Variants in GALNT13 observed in about 807,000 individuals in gnomAD.
GALNT13 encodes UDP-GalNAc:polypeptide N-acetylgalactosaminyltransferase 13.
A neutral mutation model predicts 64.2 loss-of-function variants in GALNT13; 28 were observed. The ratio of observed to expected loss-of-function variants is 0.44; its 90% confidence interval spans 0.32 to 0.60. The LOEUF (loss-of-function observed/expected upper bound fraction) is 0.60, where lower values mean the gene tolerates loss of function less well. GALNT13 is among the 20% of genes least tolerant of loss of function. The pLI is 0.05. For missense variants in GALNT13, 577 were observed against 669.8 expected (o/e 0.86, Z 1.53); for synonymous variants, 214 against 224.6 (o/e 0.95, Z 0.42).
chr2:153,455,988 C>G, the GALNT13 span, among the ~76,000 whole-genome samples: 1 of 152,144 alleles, frequency 6.6e-6, no homozygotes, highest in Non-Finnish European at 1.5e-5. Flanking sequence ...AAGTCCGGCC[C>G]TCTCCAGCCA....
intron 9 of GALNT13, among the ~76,000 whole-genome samples, chr2:154,364,963 C>T (rs1473854748): frequency 2.6e-5 from 4 of 152,300 alleles, no homozygotes; most frequent in Middle Eastern, 6.8e-3. Context: ...TAAGCCACTT[C>T]ACCAAAGAGT....
chr2:154,384,290 G>A (rs916125679), intron 9 of GALNT13, among the ~76,000 whole-genome samples: 16 of 151,928 alleles, frequency 1.1e-4, no homozygotes, highest in South Asian at 1.0e-3. Context: ...TCTGGAAAGC[G>A]GAAAATGAAT....
intron 7 of GALNT13, among the ~76,000 whole-genome samples, chr2:154,256,552 G>A (rs1486827412): frequency 6.6e-6 from 1 of 152,152 alleles, no homozygotes; most frequent in African/African-American, 2.4e-5. Context: ...AAATGGTTTT[G>A]AAACCTAAAG....
chr2:153,202,919 CAATT>C, the GALNT13 span, among the ~76,000 whole-genome samples: 24 of 152,078 alleles, frequency 1.6e-4, no homozygotes, highest in African/African-American at 2.4e-4. Context: ...TTTTATCTCA[CAATT>C]GATTGATTTT....
chr2:153,789,829 T>A, the GALNT13 span, among the ~76,000 whole-genome samples: 3 of 152,078 alleles, frequency 2.0e-5, no homozygotes, highest in Non-Finnish European at 4.4e-5. Context: ...CTAGAAAACC[T>A]AGAAGACATG....
At chr2:154,184,103 A>G (rs139145494) in intron 4 of GALNT13, among the ~76,000 whole-genome samples, 1 of 151,842 alleles carries the variant, frequency 6.6e-6, no homozygotes, top group East Asian at 1.9e-4. Flanking sequence ...TTGAACTTAT[A>G]AATTTATAAT....
chr2:153,738,152 A>G, the GALNT13 span, among the ~76,000 whole-genome samples: 1 of 151,430 alleles, frequency 6.6e-6, no homozygotes, highest in Non-Finnish European at 1.5e-5. Flanking sequence ...ATCATATTAA[A>G]CTCCTTGCTT....
At chr2:153,385,069 C>G in the GALNT13 span, among the ~76,000 whole-genome samples, 1 of 151,888 alleles carries the variant, frequency 6.6e-6, no homozygotes, top group Non-Finnish European at 1.5e-5. Context: ...AAAAGGAACC[C>G]TCATACACTG....
At chr2:153,912,398 T>G (rs1036373254) in intron 2 of GALNT13, among the ~76,000 whole-genome samples, 1 of 152,224 alleles carries the variant, frequency 6.6e-6, no homozygotes, top group Non-Finnish European at 1.5e-5. Context: ...CTGAATTCTA[T>G]TTCTGTCATT....
the GALNT13 span, among the ~76,000 whole-genome samples, chr2:153,832,666 G>A: frequency 6.6e-6 from 1 of 152,118 alleles, no homozygotes; most frequent in East Asian, 1.9e-4. Flanking sequence ...GCTGCAGCAG[G>A]AGACTTTAGA....
chr2:154,191,950 A>G (rs1475128535), intron 4 of GALNT13, among the ~76,000 whole-genome samples: 2 of 152,186 alleles, frequency 1.3e-5, no homozygotes, highest in Non-Finnish European at 2.9e-5. Flanking sequence ...TTGGTGTACC[A>G]GAAGAATCGG....
the GALNT13 span, among the ~76,000 whole-genome samples, chr2:153,523,719 T>G: frequency 2.0e-5 from 3 of 152,204 alleles, no homozygotes; most frequent in African/African-American, 7.2e-5. Context: ...TGTTGACTCT[T>G]GAATTTTATA....
intron 1 of GALNT13, among the ~76,000 whole-genome samples, chr2:153,876,202 T>TACGC (rs1553449460): frequency 6.7e-6 from 1 of 148,622 alleles, no homozygotes; most frequent in Non-Finnish European, 1.5e-5. Flanking sequence ...CCCCCCACAC[T>TACGC]ACACACACAC....
At chr2:153,249,152 T>C in the GALNT13 span, among the ~76,000 whole-genome samples, 1 of 152,210 alleles carries the variant, frequency 6.6e-6, no homozygotes, top group Non-Finnish European at 1.5e-5. Flanking sequence ...GCCCAAAAGC[T>C]TCTTAACCTG....
At chr2:153,302,197 C>T in the GALNT13 span, among the ~76,000 whole-genome samples, 1 of 152,142 alleles carries the variant, frequency 6.6e-6, no homozygotes, top group African/African-American at 2.4e-5. Flanking sequence ...TCTTTTCTCC[C>T]CATCCTCATC....
the GALNT13 span, among the ~76,000 whole-genome samples, chr2:153,410,874 T>G: frequency 0.014 from 1,999 of 147,448 alleles, 37 homozygotes; most frequent in African/African-American, 0.039. Flanking sequence ...AATATATATT[T>G]AGAGAGAGAG....
At chr2:153,578,143 T>C in the GALNT13 span, among the ~76,000 whole-genome samples, 6 of 152,144 alleles carry the variant, frequency 3.9e-5, no homozygotes, top group African/African-American at 1.2e-4. Flanking sequence ...CATCACAACA[T>C]ATATGCGATA....
At chr2:153,105,088 A>G in the GALNT13 span, among the ~76,000 whole-genome samples, 45,964 of 132,314 alleles carry the variant, frequency 0.35, 8,117 homozygotes, top group South Asian at 0.46. Flanking sequence ...TCCTGTGTCC[A>G]TGTGTTCTCA....
chr2:153,892,006 C>T lies in GALNT13; in HGVS notation c.-176-8930C>T, dbSNP rs57374239. On this transcript the variant is annotated intron_variant, in intron 1 of 12. Transcript: ENST00000392825. ...TGCTCATTTCAAAGATCAGCTCACA[C>T]GAGCAAAACCTTGAAGGATTTCTCC... Among the ~76,000 whole-genome samples, 214 of 152,112 alleles carry T rather than the reference C, an allele frequency of 1.4e-3. 4 individuals carry two copies. The East Asian group carries it at 0.034, about 24-fold the overall frequency.
Sources: allele counts gnomAD v4.1 joint callset (sites outside exome capture counted in the v4.1 genomes callset), GRCh38; gene constraint gnomAD v4.1.1; transcripts MANE v1.5; gene names NCBI Gene and HGNC (gene_info 2026-07-23, HGNC 2026-07-21).